Variants in CNTN4 observed in about 807,000 individuals in gnomAD.
The protein encoded by CNTN4 is contactin 4, also known as contactin-4.
CNTN4 carries 77 observed loss-of-function variants against 122.5 expected under a neutral mutation model. The ratio of observed to expected loss-of-function variants is 0.63; its 90% CI spans 0.52 to 0.76. The LOEUF (loss-of-function observed/expected upper bound fraction) is 0.76, where lower values mean the gene tolerates loss of function less well. CNTN4 is among the 30% of genes least tolerant of loss of function. The pLI is 0.00. For missense variants in CNTN4, 1,256 were observed against 1,259.1 expected (o/e 1.00, Z 0.04); for synonymous variants, 512 against 447.0 (o/e 1.15, Z -1.83).
intron 4 of CNTN4, among the ~76,000 whole-genome samples, chr3:2,672,899 C>A (rs1273992223): frequency 6.6e-6 from 1 of 152,110 alleles, no homozygotes; most frequent in Admixed American, 6.5e-5. Context: ...AGAATCTGTC[C>A]TTGCCCAGTA....
At chr3:2,187,521 C>T (rs1376134033) in intron 2 of CNTN4, among the ~76,000 whole-genome samples, 1 of 152,058 alleles carries the variant, frequency 6.6e-6, no homozygotes, top group African/African-American at 2.4e-5. Context: ...GGCGTGATTC[C>T]CATTCTTATT....
At chr3:2,175,487 A>T (rs1327576336) in intron 2 of CNTN4, among the ~76,000 whole-genome samples, 4 of 152,232 alleles carry the variant, frequency 2.6e-5, no homozygotes. Flanking sequence ...TTTGTGTAGA[A>T]ATTTTATTTA....
chr3:2,615,837 C>A (rs2081701617), intron 4 of CNTN4, among the ~76,000 whole-genome samples: 1 of 152,092 alleles, frequency 6.6e-6, no homozygotes, highest in Non-Finnish European at 1.5e-5. Flanking sequence ...ATACATCTTT[C>A]CTTCTAGCCT....
intron 6 of CNTN4, among the ~76,000 whole-genome samples, chr3:2,778,176 T>C (rs374873030): frequency 0.031 from 4,270 of 137,558 alleles, 158 homozygotes; most frequent in Non-Finnish European, 0.044. Flanking sequence ...ATCGCGCCAC[T>C]GCACTCCAGC....
intron 14 of CNTN4, among the ~76,000 whole-genome samples, chr3:3,003,709 A>AC (rs1559776112): frequency 2.7e-5 from 4 of 148,944 alleles, no homozygotes; most frequent in African/African-American, 1.0e-4. Context: ...AAAAAAAAAA[A>AC]AAAAACAAAA....
chr3:2,485,113 C>T (rs1374150061), intron 3 of CNTN4, among the ~76,000 whole-genome samples: 3 of 152,200 alleles, frequency 2.0e-5, no homozygotes, highest in African/African-American at 4.8e-5. Flanking sequence ...GTGCTGCGCT[C>T]GAATTCCCGC....
At chr3:2,607,610 C>CCACA (rs61707029) in intron 4 of CNTN4, among the ~76,000 whole-genome samples, 5 of 145,480 alleles carry the variant, frequency 3.4e-5, no homozygotes, top group African/African-American at 1.0e-4. Context: ...ACATATGCAT[C>CCACA]CACACACACA....
chr3:2,460,137 G>A (rs1470920810), intron 3 of CNTN4, among the ~76,000 whole-genome samples: 1 of 151,724 alleles, frequency 6.6e-6, no homozygotes, highest in Non-Finnish European at 1.5e-5. Context: ...ACTTTTTCTG[G>A]GAGGTCACCC....
intron 2 of CNTN4, among the ~76,000 whole-genome samples, chr3:2,205,212 C>T (rs184800509): frequency 6.6e-6 from 1 of 150,894 alleles, no homozygotes. Context: ...CTGCCATATC[C>T]AAGATATTTT....
intron 3 of CNTN4, among the ~76,000 whole-genome samples, chr3:2,422,013 C>T (rs1026547983): frequency 6.6e-6 from 1 of 151,980 alleles, no homozygotes; most frequent in African/African-American, 2.4e-5. Context: ...ACTATTTAAT[C>T]CTGCCTCTGT....
rs1045650651 is a variant in CNTN4 at position 2,384,838 on chromosome 3, T to G, written c.-89+45605T>G. On this transcript the variant is annotated intron_variant, in intron 3 of 24. Coordinates refer to ENST00000418658, the MANE Select transcript of CNTN4 (RefSeq NM_175607.3). ...CTTGGTTTCTAAGTAGAAGGACTAA[T>G]TTTTACCTATCTTTTTTTAACCTAT... Among the ~76,000 whole-genome samples, 5 of 152,186 alleles carry G rather than the reference T, an allele frequency of 3.3e-5. No homozygotes were observed. The South Asian group carries it at 8.3e-4, about 25-fold the overall frequency.
intron 2 of CNTN4, among the ~76,000 whole-genome samples, chr3:2,216,687 A>G (rs1462755231): frequency 1.3e-5 from 2 of 152,202 alleles, no homozygotes; most frequent in East Asian, 1.9e-4. Context: ...TGTTACTTTT[A>G]TAATGGAAAA....
intron 16 of CNTN4, among the ~76,000 whole-genome samples, chr3:3,032,620 G>A (rs549081317): frequency 9.2e-5 from 14 of 152,290 alleles, no homozygotes; most frequent in Admixed American, 1.3e-4. Flanking sequence ...TATTTGAAAC[G>A]TATAGCAGCT....
chr3:2,771,417 G>T (rs913018038), intron 6 of CNTN4, among the ~76,000 whole-genome samples: 1 of 152,172 alleles, frequency 6.6e-6, no homozygotes, highest in African/African-American at 2.4e-5. Flanking sequence ...AAGCCACATG[G>T]TGGGCAGAAT....
intron 3 of CNTN4, among the ~76,000 whole-genome samples, chr3:2,480,401 A>G (rs1446759600): frequency 6.6e-6 from 1 of 152,242 alleles, no homozygotes; most frequent in African/African-American, 2.4e-5. Flanking sequence ...GATGTAATAA[A>G]TAATTGTAAC....
intron 3 of CNTN4, among the ~76,000 whole-genome samples, chr3:2,464,663 A>G (rs931980108): frequency 2.6e-5 from 4 of 152,186 alleles, no homozygotes; most frequent in Non-Finnish European, 5.9e-5. Context: ...GCTTTGATTT[A>G]CTGGGTTTCA....
chr3:2,669,136 C>G (rs1275994661), intron 4 of CNTN4, among the ~76,000 whole-genome samples: 2 of 152,104 alleles, frequency 1.3e-5, no homozygotes, highest in Non-Finnish European at 2.9e-5. Context: ...CCCTCTTTTT[C>G]TATTGATTGG....
intron 3 of CNTN4, among the ~76,000 whole-genome samples, chr3:2,420,277 C>G (rs768929083): frequency 3.9e-5 from 6 of 152,078 alleles, no homozygotes; most frequent in Non-Finnish European, 5.9e-5. Flanking sequence ...AAAGAAAACC[C>G]TCTAGGAATA....
At chr3:2,200,263 T>C (rs2038037281) in intron 2 of CNTN4, among the ~76,000 whole-genome samples, 1 of 152,132 alleles carries the variant, frequency 6.6e-6, no homozygotes, top group Non-Finnish European at 1.5e-5. Context: ...GATGTGCTGA[T>C]GGTTTGGAGA....
Sources: gnomAD v4.1 joint callset for allele counts (sites outside exome capture counted in the v4.1 genomes callset) on GRCh38, gnomAD v4.1.1 for gene constraint, MANE v1.5 for transcripts, NCBI Gene and HGNC (gene_info 2026-07-23, HGNC 2026-07-21) for gene names.